GPC4: variants seen among roughly 807,000 people sequenced by gnomAD.
GPC4 encodes the protein glypican 4.
In GPC4, 10 loss-of-function variants were observed where a neutral mutation model predicts 35.0. That is an observed-to-expected ratio of 0.29 (90% confidence interval 0.18 to 0.48). The LOEUF is 0.48. Among genes scored for constraint, GPC4 ranks in the 20% least tolerant of loss-of-function variants. The pLI is 0.99. For missense variants in GPC4, 322 were observed against 451.3 expected, an observed-to-expected ratio of 0.71 and a Z score of 2.60; for synonymous variants, 167 against 170.2, an observed-to-expected ratio of 0.98 and a Z score of 0.15.
intron 3 of GPC4, among the ~76,000 whole-genome samples, chrX:133,315,357 G>A (rs2068333271): frequency 9.1e-6 from 1 of 110,140 alleles, no homozygotes; most frequent in Non-Finnish European, 1.9e-5. Flanking sequence ...TGGATCCAGT[G>A]GTGGCACTTA....
At chrX:133,376,624 T>C (rs1433810772) in intron 1 of GPC4, among the ~76,000 whole-genome samples, 1 of 112,280 alleles carries the variant, frequency 8.9e-6, no homozygotes. Context: ...AGTGGTTTAT[T>C]GAAAGGAGGC....
chrX:133,358,114 T>C (rs188938298), intron 1 of GPC4, among the ~76,000 whole-genome samples: 16 of 112,520 alleles, frequency 1.4e-4, no homozygotes, highest in Non-Finnish European at 3.0e-4. Context: ...GATTATGAGC[T>C]ACAGAATCTT....
intron 1 of GPC4, among the ~76,000 whole-genome samples, chrX:133,344,520 C>T (rs961961721): frequency 9.1e-6 from 1 of 110,008 alleles, no homozygotes; most frequent in East Asian, 2.8e-4. Flanking sequence ...CCACCACGCC[C>T]GGTGACTATT....
intron 1 of GPC4, among the ~76,000 whole-genome samples, chrX:133,370,794 C>T (rs2068609533): frequency 9.0e-6 from 1 of 111,648 alleles, no homozygotes; most frequent in Non-Finnish European, 1.9e-5. Flanking sequence ...ATCCATAGAA[C>T]TGCTAACCAA....
chrX:133,307,789 T>TAAC lies in GPC4; in HGVS notation c.878-1638_878-1636dup, dbSNP rs761210187. ...AACATCTAAAATGCAGACGTTTAAA[T>TAAC]AACAACAACAACAACAACAACAAAA... On this transcript the variant is annotated intron_variant, in intron 4 of 8. Coordinates refer to ENST00000370828, the MANE Select transcript of GPC4 (RefSeq NM_001448.3). Among the ~76,000 whole-genome samples, 388 of 111,678 alleles carry TAAC rather than the reference T, an allele frequency of 3.5e-3. 1 individual carries two copies. Among genetic ancestry groups the TAAC allele is most frequent in the Non-Finnish European group, 5.3e-3 (282 of 53,090 alleles).
chrX:133,337,949 A>C (rs926725273), intron 2 of GPC4, among the ~76,000 whole-genome samples: 1 of 110,304 alleles, frequency 9.1e-6, no homozygotes, highest in African/African-American at 3.3e-5. Flanking sequence ...GATAGAACTA[A>C]GACATAATTT....
At chrX:133,320,435 T>C (rs1267082892) in intron 3 of GPC4, among the ~76,000 whole-genome samples, 1 of 110,347 alleles carries the variant, frequency 9.1e-6, no homozygotes, top group African/African-American at 3.3e-5. Context: ...AAGACTAACC[T>C]GACCAACATG....
At chrX:133,317,056 T>C (rs1277862922) in intron 3 of GPC4, among the ~76,000 whole-genome samples, 1 of 111,933 alleles carries the variant, frequency 8.9e-6, no homozygotes, top group Non-Finnish European at 1.9e-5. Flanking sequence ...TCATCTGGAC[T>C]GAGTACTTCC....
chrX:133,363,210 G>GT (rs1240972940), intron 1 of GPC4, among the ~76,000 whole-genome samples: 2 of 110,505 alleles, frequency 1.8e-5, no homozygotes, highest in East Asian at 2.8e-4. Flanking sequence ...GTTTTGTTTT[G>GT]TTTTTTGCAG....
At chrX:133,368,830 G>C (rs912418427) in intron 1 of GPC4, among the ~76,000 whole-genome samples, 1 of 110,205 alleles carries the variant, frequency 9.1e-6, no homozygotes, top group African/African-American at 3.3e-5. Context: ...ATTTTTAGTA[G>C]AGACGAGGTT....
intron 1 of GPC4, among the ~76,000 whole-genome samples, chrX:133,354,400 AGTG>A (rs2068530354): frequency 8.9e-6 from 1 of 111,812 alleles, no homozygotes; most frequent in Non-Finnish European, 1.9e-5. Flanking sequence ...ACTTGGCAGC[AGTG>A]CTGTGCTTAT....
intron 1 of GPC4, among the ~76,000 whole-genome samples, chrX:133,390,119 G>A (rs1407258064): frequency 9.0e-6 from 1 of 110,714 alleles, no homozygotes; most frequent in Admixed American, 9.7e-5. Flanking sequence ...ACCCAAGCCA[G>A]CGTTCTCGTT....
chrX:133,408,591 G>A (rs1274917973), intron 1 of GPC4, among the ~76,000 whole-genome samples: 2 of 111,040 alleles, frequency 1.8e-5, no homozygotes, highest in Non-Finnish European at 3.8e-5. Flanking sequence ...AAAATTAGCC[G>A]GGCATGGTGG....
chrX:133,398,524 T>C (rs1028594568), intron 1 of GPC4, among the ~76,000 whole-genome samples: 25 of 111,736 alleles, frequency 2.2e-4, no homozygotes, highest in African/African-American at 8.2e-4. Context: ...TCCCAGCATT[T>C]TGGGAGGTTG....
intron 1 of GPC4, among the ~76,000 whole-genome samples, chrX:133,393,029 C>T (rs1238813141): frequency 1.8e-5 from 2 of 112,208 alleles, no homozygotes; most frequent in African/African-American, 3.2e-5. Flanking sequence ...CTAGGCATAG[C>T]AAAGTTATTT....
chrX:133,327,865 T>C (rs1446040005), intron 2 of GPC4, among the ~76,000 whole-genome samples: 1 of 111,498 alleles, frequency 9.0e-6, no homozygotes, highest in Non-Finnish European at 1.9e-5. Context: ...AATAAATGCT[T>C]GAGAAATTCT....
chrX:133,318,263 T>A (rs2068347786), intron 3 of GPC4, among the ~76,000 whole-genome samples: 1 of 112,295 alleles, frequency 8.9e-6, no homozygotes, highest in Admixed American at 9.5e-5. Context: ...TAAAAGCTTT[T>A]TGTATTGACT....
intron 1 of GPC4, among the ~76,000 whole-genome samples, chrX:133,354,540 TTTTA>T (rs200729281): frequency 5.9e-4 from 56 of 95,563 alleles, no homozygotes; most frequent in African/African-American, 1.3e-3. Flanking sequence ...CAAGGTCATG[TTTTA>T]TTTATTTATT....
intron 1 of GPC4, among the ~76,000 whole-genome samples, chrX:133,351,370 G>T (rs1228621431): frequency 1.1e-5 from 1 of 87,143 alleles, no homozygotes; most frequent in Admixed American, 1.4e-4. Context: ...CCCATCAACT[G>T]CCCCCCGCCA....
Sources: gnomAD v4.1 joint callset for allele counts (sites outside exome capture counted in the v4.1 genomes callset) on GRCh38, gnomAD v4.1.1 for gene constraint, MANE v1.5 for transcripts, NCBI Gene and HGNC (gene_info 2026-07-23, HGNC 2026-07-21) for gene names.